SMCHD1: variants seen among roughly 807,000 people sequenced by gnomAD.
SMCHD1 encodes structural maintenance of chromosomes flexible hinge domain containing 1.
In SMCHD1, 78 loss-of-function variants were observed where a neutral mutation model predicts 254.7. The ratio of observed to expected loss-of-function variants is 0.31; its 90% confidence interval spans 0.26 to 0.37. The LOEUF (loss-of-function observed/expected upper bound fraction) is 0.37, where lower values mean the gene tolerates loss of function less well. Among genes scored for constraint, SMCHD1 ranks in the 10% least tolerant of loss-of-function variants. SMCHD1 has a pLI of 1.00. For synonymous variants in SMCHD1, 766 were observed against 794.9 expected, an observed-to-expected ratio of 0.96 and a Z score of 0.61; for missense variants, 1,840 against 2,408.1, an observed-to-expected ratio of 0.76 and a Z score of 4.94.
chr18:2,788,238 AAGAGCAAATC>A (rs1314770226), intron 45 of SMCHD1, among the ~76,000 whole-genome samples: 1 of 152,218 alleles, frequency 6.6e-6, no homozygotes, highest in African/African-American at 2.4e-5. Context: ...TGATTAGTAT[AAGAGCAAATC>A]AGAGCATAAG....
intron 5 of SMCHD1, among the ~76,000 whole-genome samples, chr18:2,686,352 C>G (rs960932420): frequency 2.6e-4 from 39 of 152,150 alleles, no homozygotes; most frequent in Non-Finnish European, 5.0e-4. Flanking sequence ...TATAATGCAT[C>G]TATTCCAAAA....
chr18:2,771,645 A>AT lies in SMCHD1; in HGVS notation c.5052+33dup, dbSNP rs3214732. Reference sequence around the variant, plus strand: ...TACAGCTTCCAACTATACGTGAAAGATTTTTTATTAAAGTCTATTCTACAA... The same window carrying AT: ...TACAGCTTCCAACTATACGTGAAAGATTTTTTTATTAAAGTCTATTCTACAA... On this transcript the variant is annotated intron_variant, in intron 40 of 47. Transcript: ENST00000320876. 417,694 of 1,424,742 alleles carry AT rather than the reference A, an allele frequency of 0.29. 65,396 individuals carry two copies. Among genetic ancestry groups the AT allele is most frequent in the East Asian group, 0.47 (17,953 of 38,332 alleles). 88.3% of individuals were successfully genotyped at this position (1,424,742 alleles called of 1,614,324 possible). A position where few individuals can be genotyped will look rare whatever the true frequency, so the allele number is the denominator to read the frequency against.
At chr18:2,661,151 G>A (rs2073240484) in intron 1 of SMCHD1, among the ~76,000 whole-genome samples, 1 of 152,058 alleles carries the variant, frequency 6.6e-6, no homozygotes, top group African/African-American at 2.4e-5. Flanking sequence ...ACATAGGGCG[G>A]GGAACATCAC....
intron 1 of SMCHD1, among the ~76,000 whole-genome samples, chr18:2,661,681 A>G (rs1270982975): frequency 1.3e-5 from 2 of 152,220 alleles, no homozygotes; most frequent in African/African-American, 4.8e-5. Flanking sequence ...ACTGGATACA[A>G]TTAGATGGTC....
intron 7 of SMCHD1, among the ~76,000 whole-genome samples, chr18:2,689,473 A>G (rs917207730): frequency 1.5e-4 from 23 of 152,044 alleles, no homozygotes; most frequent in African/African-American, 5.1e-4. Flanking sequence ...CGCCTGCCTC[A>G]ACCTCCCAAA....
intron 45 of SMCHD1, among the ~76,000 whole-genome samples, chr18:2,787,114 C>T (rs1568389438): frequency 6.6e-6 from 1 of 152,102 alleles, no homozygotes; most frequent in Non-Finnish European, 1.5e-5. Flanking sequence ...CTGGTGAGGG[C>T]GTCAGGCTGC....
At chr18:2,666,066 T>C in intron 1 of SMCHD1, 91 bp from the exon 2 acceptor site, 1 of 623,960 alleles carries the variant, frequency 1.6e-6, no homozygotes, top group South Asian at 2.3e-5. Context: ...AGAATTATAA[T>C]GTACTATCAA....
intron 34 of SMCHD1, among the ~76,000 whole-genome samples, chr18:2,758,069 G>GATAT (rs970144475): frequency 1.3e-5 from 2 of 152,020 alleles, no homozygotes; most frequent in African/African-American, 4.8e-5. Context: ...TAGATAGATA[G>GATAT]ATATATTCTT....
At chr18:2,781,647 AGT>A (rs1445144360) in intron 44 of SMCHD1, among the ~76,000 whole-genome samples, 1 of 152,200 alleles carries the variant, frequency 6.6e-6, no homozygotes, top group Admixed American at 6.5e-5. Flanking sequence ...AAAAAATGAA[AGT>A]GTTGAAAATA....
Position 2,803,669 on chromosome 18 carries a change from A to G in SMCHD1, c.*1117A>G, listed in dbSNP as rs1169935287. ...AAGCTTCATAAAAGTTATCTTGTTA[A>G]AAAACGATGATGATGTTAACCTATC... On this transcript the variant is annotated 3_prime_UTR_variant, in exon 48 of 48. Transcript: ENST00000320876. 1 of 127,784 alleles carries G rather than the reference A, an allele frequency of 7.8e-6. No homozygotes were observed. The highest frequency in any genetic ancestry group is 1.6e-5 in the Non-Finnish European group (1 of 60,692). The allele number at this position is 127,784 out of a possible 1,614,324, so 7.9% of individuals were successfully genotyped here. A position where few individuals can be genotyped will look rare whatever the true frequency, so the allele number is the denominator to read the frequency against.
At position 2,655,959 on chromosome 18, in the gene SMCHD1, CG is replaced by C; in HGVS notation, c.-114del. The C allele has an allele frequency of 1.3e-6, 1 of 771,756 alleles. No homozygotes were observed. The highest frequency in any genetic ancestry group is 1.8e-6 in the Non-Finnish European group (1 of 569,396). 47.8% of individuals were successfully genotyped at this position (771,756 alleles called of 1,614,324 possible). A position where few individuals can be genotyped will look rare whatever the true frequency, so the allele number is the denominator to read the frequency against. ...CCGCTGACGAGGAGCTGCAGCGCGC[CG>C]GGCCGAGGCCTCGAGCCGCCCCGGG... On this transcript the variant is annotated 5_prime_UTR_variant, in exon 1 of 48. Transcript: ENST00000320876.
At chr18:2,789,206 AT>A (rs11356663) in intron 45 of SMCHD1, among the ~76,000 whole-genome samples, 80,651 of 143,752 alleles carry the variant, frequency 0.56, 22,038 homozygotes, top group African/African-American at 0.63. Flanking sequence ...TATTATTATT[AT>A]TTTTTTTTTT....
intron 44 of SMCHD1, among the ~76,000 whole-genome samples, chr18:2,781,520 A>G (rs1469741010): frequency 3.3e-5 from 5 of 152,216 alleles, no homozygotes; most frequent in Admixed American, 3.3e-4. Context: ...ATGAGAGCAA[A>G]TATTTTTAAA....
intron 45 of SMCHD1, among the ~76,000 whole-genome samples, chr18:2,789,402 T>C (rs2076284914): frequency 6.6e-6 from 1 of 152,198 alleles, no homozygotes; most frequent in Admixed American, 6.5e-5. Flanking sequence ...ATTTGTAATC[T>C]GGAGAATGTC....
At chr18:2,755,031 A>T (rs2075646914) in intron 34 of SMCHD1, among the ~76,000 whole-genome samples, 1 of 147,732 alleles carries the variant, frequency 6.8e-6, no homozygotes, top group East Asian at 2.0e-4. Flanking sequence ...TCTTTGTTAA[A>T]CTCCTTCATT....
Position 2,655,821 on chromosome 18 carries a change from G to T in SMCHD1, c.-255G>T, listed in dbSNP as rs1227853631. The T allele has an allele frequency of 6.1e-6, 2 of 326,748 alleles. No individual in the cohort carries two copies. Among genetic ancestry groups the T allele is most frequent in the African/African-American group, 4.3e-5 (2 of 46,376 alleles). 20.2% of individuals were successfully genotyped at this position (326,748 alleles called of 1,614,324 possible). A position where few individuals can be genotyped will look rare whatever the true frequency, so the allele number is the denominator to read the frequency against. On this transcript the variant is annotated 5_prime_UTR_variant, in exon 1 of 48. Coordinates refer to ENST00000320876, the MANE Select transcript of SMCHD1 (RefSeq NM_015295.3). ...CCGGGCCCGGTGAGGAGCGCGCCGC[G>T]CGTCCCCTTCTCCTCAGGAGTGGCG... is the stretch of plus-strand genomic sequence containing the variant.
At chr18:2,801,351 T>C (rs2076358744) in intron 47 of SMCHD1, 1 of 152,194 alleles carries the variant, frequency 6.6e-6, no homozygotes. Context: ...AGCTATCATT[T>C]GTTTAGCTTT....
intron 17 of SMCHD1, among the ~76,000 whole-genome samples, chr18:2,710,703 T>C (rs1479438350): frequency 3.9e-5 from 6 of 152,214 alleles, no homozygotes; most frequent in Non-Finnish European, 2.9e-5. Context: ...CTTAAAATAC[T>C]ATGTTGAATA....
intron 1 of SMCHD1, among the ~76,000 whole-genome samples, chr18:2,660,559 C>G (rs1205629979): frequency 6.7e-6 from 1 of 150,142 alleles, no homozygotes; most frequent in African/African-American, 2.5e-5. Context: ...CTGCAACCTC[C>G]GCCTCCCAAG....
Sources: gnomAD v4.1 joint callset for allele counts (sites outside exome capture counted in the v4.1 genomes callset) on GRCh38, gnomAD v4.1.1 for gene constraint, MANE v1.5 for transcripts, NCBI Gene and HGNC (gene_info 2026-07-23, HGNC 2026-07-21) for gene names.